LMNB2: variants seen among roughly 807,000 people sequenced by gnomAD.
LMNB2 encodes lamin-B2.
In LMNB2, 17 loss-of-function variants were observed where a neutral mutation model predicts 69.3. That is an observed-to-expected ratio of 0.25 (90% confidence interval 0.17 to 0.37). The LOEUF is 0.37. LMNB2 is among the 10% of genes least tolerant of loss of function. The probability of loss-of-function intolerance (pLI) is 1.00; values close to 1 mark genes in which losing one functional copy is unlikely to be tolerated. For synonymous variants in LMNB2, 397 were observed against 389.3 expected (o/e 1.02, Z -0.23); for missense variants, 789 against 883.6 (o/e 0.89, Z 1.36).
At chr19:2,438,106 T>C in intron 4 of LMNB2, 57 bp downstream of exon 4, 1 of 1,608,354 alleles carries the variant, frequency 6.2e-7, no homozygotes, top group Non-Finnish European at 8.5e-7. Flanking sequence ...TCCACAGCCA[T>C]GAGGGTGGAC....
intron 5 of LMNB2, 26 bp downstream of exon 5, chr19:2,434,975 C>G: frequency 6.3e-7 from 1 of 1,597,480 alleles, no homozygotes; most frequent in Non-Finnish European, 8.5e-7. Flanking sequence ...ACCGGCCGCC[C>G]CCGCCCACCC....
intron 1 of LMNB2, among the ~76,000 whole-genome samples, chr19:2,454,375 G>A (rs1972065848): frequency 6.6e-6 from 1 of 151,380 alleles, no homozygotes; most frequent in Admixed American, 6.6e-5. Flanking sequence ...GAAGGCACCA[G>A]CTACATTCTT....
At position 2,431,840 on chromosome 19, in the gene LMNB2, C is replaced by T; in HGVS notation, c.1653G>A (p.Gln551=). 6.2e-7 allele frequency: 1 copy of T among 1,613,546 alleles called. No individual in the cohort carries two copies. Among genetic ancestry groups the T allele is most frequent in the Admixed American group, 1.7e-5 (1 of 60,004 alleles). The part of the protein sequence containing the change: ...SPPSTLVWKG[Q]SSWGTGESFR... ...AGCTCTCGCCCGTGCCCCAGCTGCT[C>T]TGGCCCTTCCACACCAGCGTCGAGG... is the stretch of plus-strand genomic sequence containing the variant. The change falls in exon 10 of 12, where the codon CAG becomes CAA. Residue 551 remains glutamine, a synonymous_variant. Coordinates refer to ENST00000325327, the MANE Select transcript of LMNB2 (RefSeq NM_032737.4).
At chr19:2,451,325 T>C (rs1214084130) in intron 1 of LMNB2, among the ~76,000 whole-genome samples, 1 of 152,224 alleles carries the variant, frequency 6.6e-6, no homozygotes, top group African/African-American at 2.4e-5. Flanking sequence ...CAGTTCCATG[T>C]GTATAAATAA....
intron 1 of LMNB2, among the ~76,000 whole-genome samples, chr19:2,455,922 G>GA (rs1972081907): frequency 6.9e-6 from 1 of 145,570 alleles, no homozygotes; most frequent in Admixed American, 6.8e-5. Flanking sequence ...CCTCACTCAG[G>GA]GACCCCTTGA....
intron 1 of LMNB2, among the ~76,000 whole-genome samples, chr19:2,445,749 C>T (rs1488373036): frequency 1.2e-5 from 1 of 80,178 alleles, no homozygotes; most frequent in Non-Finnish European, 2.4e-5. Context: ...GCGGCCCCCA[C>T]GTTTCACCCC....
At chr19:2,446,658 C>A (rs1203343787) in intron 1 of LMNB2, among the ~76,000 whole-genome samples, 2 of 152,214 alleles carry the variant, frequency 1.3e-5, no homozygotes, top group Non-Finnish European at 1.5e-5. Flanking sequence ...GACAGACAGT[C>A]GCAGGTGCGG....
rs1165365416 is a variant in LMNB2, at chr19:2,428,555, C to G, written c.*2356G>C. The G allele has an allele frequency of 1.3e-5, 2 of 152,282 alleles. No individual in the cohort carries two copies. Among genetic ancestry groups the G allele is most frequent in the African/African-American group, 2.4e-5 (1 of 41,480 alleles). The allele number at this position is 152,282 out of a possible 1,614,324, so 9.4% of individuals were successfully genotyped here. A position where few individuals can be genotyped will look rare whatever the true frequency, so the allele number is the denominator to read the frequency against. On this transcript the variant is annotated 3_prime_UTR_variant, in exon 12 of 12. Coordinates refer to ENST00000325327, the MANE Select transcript of LMNB2 (RefSeq NM_032737.4). ...CTCCTGGGCTCAGCGGGGCAGGCTT[C>G]AGCGTTAACCTGGCGCTGTGCACCC...
Position 2,431,677 on chromosome 19 carries a change from G to T in LMNB2, c.1711-19C>A. ...CCACTTCCTGTGCGGGACAGGACAC[G>T]GCGGCATGTCCCGGGATCGGGCCCA... On this transcript the variant is annotated intron_variant, in intron 10 of 11. Transcript: ENST00000325327. 6.2e-7 allele frequency: 1 copy of T among 1,614,052 alleles called. No homozygotes were observed. Among genetic ancestry groups the T allele is most frequent in the Non-Finnish European group, 8.5e-7 (1 of 1,179,986 alleles).
chr19:2,434,123 A>C lies in LMNB2; in HGVS notation c.1203-18T>G. 1 of 1,575,080 alleles carries C rather than the reference A, an allele frequency of 6.3e-7. No individual in the cohort carries two copies. Among genetic ancestry groups the C allele is most frequent in the Middle Eastern group, 2.0e-4 (1 of 5,048 alleles). On this transcript the variant is annotated intron_variant, in intron 7 of 11. Transcript: ENST00000325327. ...GCTTCAGCCTGTGGGGAAGGCAAGG[A>C]AGGTGGGACTGGTAGTGGGAGCCCC...
intron 1 of LMNB2, among the ~76,000 whole-genome samples, chr19:2,445,555 G>A (rs1240829788): frequency 2.7e-4 from 25 of 93,066 alleles, no homozygotes; most frequent in Admixed American, 2.2e-3. Flanking sequence ...TTCACCCCTC[G>A]ATCACAGGGA....
Position 2,432,443 on chromosome 19 carries a change from G to A in LMNB2, c.1563C>T (p.Tyr521=), listed in dbSNP as rs528909319. 3 of 1,613,394 alleles carry A rather than the reference G, an allele frequency of 1.9e-6. No individual in the cohort carries two copies. Among genetic ancestry groups the A allele is most frequent in the East Asian group, 2.2e-5 (1 of 44,860 alleles). Residue 521 remains tyrosine (Y), a synonymous_variant, in exon 9 of 12, where the codon TAC becomes TAT. Coordinates refer to ENST00000325327, the MANE Select transcript of LMNB2 (RefSeq NM_032737.4). ...EEIAYKFTPK[Y]ILRAGQMVTV... ...TGACCATCTGGCCGGCGCGCAGGAT[G>A]TACTTGGGCGTGAACTTGTAGGCGA...
Position 2,432,478 on chromosome 19 carries a change from C to A in LMNB2, c.1528G>T (p.Gly510Trp), listed in dbSNP as rs779010033. The A allele has an allele frequency of 1.2e-6, 2 of 1,613,944 alleles. No homozygotes were observed. Among genetic ancestry groups the A allele is most frequent in the Admixed American group, 1.7e-5 (1 of 60,004 alleles). ...GTGAACTTGTAGGCGATCTCCTCCC[C>A]CTCCAAGACCTGCCTCTTGATTCTC... is the stretch of plus-strand genomic sequence containing the variant. ...NWRIKRQVLE[G>W]EEIAYKFTPK... Residue 510 changes from glycine (G) to tryptophan (W), a missense_variant, in exon 9 of 12, where the codon GGG becomes TGG. Physicochemically the swap from Gly to Trp is radical, Grantham distance 184. Coordinates refer to ENST00000325327, the MANE Select transcript of LMNB2 (RefSeq NM_032737.4).
Position 2,456,905 on chromosome 19 carries a change from C to G in LMNB2, c.29G>C (p.Arg10Pro), listed in dbSNP as rs984068789. The G allele has an allele frequency of 5.0e-6, 5 of 1,008,806 alleles. No homozygotes were observed. The highest frequency in any genetic ancestry group is 4.7e-6 in the Non-Finnish European group (4 of 847,236). The allele number at this position is 1,008,806 out of a possible 1,614,324, so 62.5% of individuals were successfully genotyped here. The change falls in exon 1 of 12, where the codon CGG becomes CCG. Residue 10 changes from arginine (R) to proline (P), a missense_variant. Arg to Pro is a moderately radical substitution (Grantham distance 103). Around this residue, in one of 3 missense-constraint regions of LMNB2, gnomAD observed 35 missense variants for 23.9 expected, o/e 1.47. Transcript: ENST00000325327. ...GGCGGCTCGCGGCCTGCGCTGCTCC[C>G]GACGGCGGCCCGGGCTCGGCGGGCT... MSPPSPGRRREQRRPRAAAT... is the reference protein window; with the variant it reads MSPPSPGRRPEQRRPRAAAT...
In LMNB2 at chr19:2,447,651, C is replaced by T. The variant is rs1319603456; in HGVS notation, c.265-3111G>A. Among the ~76,000 whole-genome samples the T allele has an allele frequency of 6.6e-6, 1 of 152,174 alleles. No individual in the cohort carries two copies. The highest frequency in any genetic ancestry group is 1.5e-5 in the Non-Finnish European group (1 of 68,030). ...GGCCCAGCACCACCCGCTAGAACGC[C>T]GTGATGTTCCCACAGCCCTACAGGG... On this transcript the variant is annotated intron_variant, in intron 1 of 11. Coordinates refer to ENST00000325327, the MANE Select transcript of LMNB2 (RefSeq NM_032737.4). This position sits in a 1 kb window ranked among gnomAD's most constrained non-coding sequence, Gnocchi z 4.4.
At position 2,438,297 on chromosome 19, in the gene LMNB2, C is replaced by T; in HGVS notation, c.559-9G>A. ...GCATGACCGTCCTCGGCCTGGGAGA[C>T]ACAGGACAGCGAGCTGGTGTGACAA... On this transcript the variant is annotated splice_polypyrimidine_tract_variant and intron_variant, in intron 3 of 11. Transcript: ENST00000325327. 1 of 1,613,902 alleles carries T rather than the reference C, an allele frequency of 6.2e-7. No homozygotes were observed. Among genetic ancestry groups the T allele is most frequent in the Non-Finnish European group, 8.5e-7 (1 of 1,180,028 alleles).
chr19:2,441,670 G>A (rs75455630), intron 2 of LMNB2, among the ~76,000 whole-genome samples: 1,641 of 152,346 alleles, frequency 0.011, 30 homozygotes, highest in African/African-American at 0.037. Context: ...CTTACACTGC[G>A]GGACGTCCTT....
At chr19:2,436,739 G>C (rs1481046472) in intron 4 of LMNB2, 3 of 151,884 alleles carry the variant, frequency 2.0e-5, no homozygotes, top group Admixed American at 6.8e-5. Context: ...CACCACAGCC[G>C]CGCACCCACC....
At chr19:2,445,369 T>C (rs769882359) in intron 1 of LMNB2, among the ~76,000 whole-genome samples, 12 of 152,078 alleles carry the variant, frequency 7.9e-5, no homozygotes, top group Non-Finnish European at 1.6e-4. Context: ...AGGCTCAGGC[T>C]GGGCTGTTCC....
Sources: allele counts gnomAD v4.1 joint callset (sites outside exome capture counted in the v4.1 genomes callset), GRCh38; gene constraint gnomAD v4.1.1; regional missense constraint gnomAD v4.1.1; non-coding constraint Gnocchi (gnomAD v3.1); transcripts MANE v1.5; gene names NCBI Gene and HGNC (gene_info 2026-07-23, HGNC 2026-07-21).